APOOL: variants seen among roughly 807,000 people sequenced by gnomAD.
APOOL encodes the protein MICOS complex subunit MIC27.
In APOOL, 12 loss-of-function variants were observed where a neutral mutation model predicts 23.1. The observed-to-expected ratio is 0.52, with a 90% confidence interval of 0.33 to 0.84. The LOEUF is 0.84. Among genes scored for constraint, APOOL ranks in the 40% least tolerant of loss-of-function variants. The probability of loss-of-function intolerance (pLI) is 0.02; values close to 1 mark genes in which losing one functional copy is unlikely to be tolerated. For synonymous variants in APOOL, 77 were observed against 69.9 expected (o/e 1.10, Z -0.51); for missense variants, 212 against 199.6 (o/e 1.06, Z -0.37).
At chrX:85,042,579 C>T (rs1336973307) in intron 1 of APOOL, among the ~76,000 whole-genome samples, 2 of 112,160 alleles carry the variant, frequency 1.8e-5, no homozygotes, top group Non-Finnish European at 3.8e-5. Context: ...GAGGGGAATA[C>T]TTCCAAACTC....
chrX:85,010,705 C>A (rs1481903115), intron 1 of APOOL, among the ~76,000 whole-genome samples: 1 of 111,973 alleles, frequency 8.9e-6, no homozygotes, highest in Non-Finnish European at 1.9e-5. Flanking sequence ...GAGTACTATT[C>A]CATGTTGTAT....
chrX:85,015,494 C>G (rs1180617842), intron 1 of APOOL, among the ~76,000 whole-genome samples: 1 of 109,838 alleles, frequency 9.1e-6, no homozygotes, highest in African/African-American at 3.3e-5. Flanking sequence ...GATTGGACTT[C>G]TTTTTTATTT....
chrX:85,075,365 A>G (rs1223114342), intron 8 of APOOL, among the ~76,000 whole-genome samples: 4 of 111,256 alleles, frequency 3.6e-5, no homozygotes, highest in Middle Eastern at 4.6e-3. Flanking sequence ...TGAGTAGCAG[A>G]GTTCTGTTTA....
intron 8 of APOOL, among the ~76,000 whole-genome samples, chrX:85,085,211 T>C (rs1924247825): frequency 1.8e-5 from 2 of 111,935 alleles, no homozygotes; most frequent in African/African-American, 6.5e-5. Flanking sequence ...TATAATGTAA[T>C]AAGATATCTG....
In APOOL at chrX:85,004,728, C is replaced by T. The variant is rs143095116; in HGVS notation, c.15+801C>T. Among the ~76,000 whole-genome samples, 527 of 111,908 alleles carry T rather than the reference C, an allele frequency of 4.7e-3. 3 individuals are homozygous for T. Among genetic ancestry groups the T allele is most frequent in the African/African-American group, 0.016 (501 of 30,790 alleles). ...TCCTACCTGAACTTGCCACCTCAAG[C>T]CTGGCTCTCATGTAATCTGTTTTCC... On this transcript the variant is annotated intron_variant, in intron 1 of 8. Transcript: ENST00000373173.
At chrX:85,038,539 T>G (rs1770591276) in intron 1 of APOOL, among the ~76,000 whole-genome samples, 1 of 102,201 alleles carries the variant, frequency 9.8e-6, no homozygotes, top group Admixed American at 1.1e-4. Context: ...TTTTTTTTTT[T>G]TTTTTTTTTT....
chrX:85,066,638 T>A (rs753789513), intron 5 of APOOL, among the ~76,000 whole-genome samples: 147 of 111,306 alleles, frequency 1.3e-3, no homozygotes, highest in African/African-American at 4.5e-3. Context: ...GAAGGAGTTA[T>A]GTACCTGTTA....
intron 8 of APOOL, among the ~76,000 whole-genome samples, chrX:85,079,484 C>T (rs755879873): frequency 7.2e-5 from 8 of 111,319 alleles, no homozygotes; most frequent in South Asian, 3.8e-4. Context: ...CTTGTTGATT[C>T]GGTTTGCCAG....
At chrX:85,054,561 T>C (rs907244367) in intron 4 of APOOL, among the ~76,000 whole-genome samples, 163 bp downstream of exon 4, 1 of 111,479 alleles carries the variant, frequency 9.0e-6, no homozygotes. Flanking sequence ...ATTTGTTGAT[T>C]ATTGATTAAT....
At chrX:85,023,284 A>G (rs1004070233) in intron 1 of APOOL, among the ~76,000 whole-genome samples, 9 of 112,121 alleles carry the variant, frequency 8.0e-5, no homozygotes, top group African/African-American at 2.9e-4. Context: ...CTAACAGTGA[A>G]CTATCCAAAA....
chrX:85,008,608 C>T (rs139017918), intron 1 of APOOL, among the ~76,000 whole-genome samples: 3,201 of 102,236 alleles, frequency 0.031, 77 homozygotes, highest in Admixed American at 0.1. Context: ...GATCTGTTGG[C>T]AGACACTTCG....
intron 8 of APOOL, among the ~76,000 whole-genome samples, chrX:85,079,817 G>C (rs1924016958): frequency 9.0e-6 from 1 of 111,434 alleles, no homozygotes. Context: ...GTTTAGTCTT[G>C]GGAGGGTGTA....
intron 5 of APOOL, among the ~76,000 whole-genome samples, chrX:85,062,969 A>G (rs1357846481): frequency 9.0e-6 from 1 of 111,722 alleles, no homozygotes; most frequent in African/African-American, 3.3e-5. Context: ...GGCCATTTTC[A>G]CGATATTGTT....
intron 1 of APOOL, among the ~76,000 whole-genome samples, chrX:85,039,422 G>A (rs1922336264): frequency 9.0e-6 from 1 of 110,718 alleles, no homozygotes; most frequent in African/African-American, 3.3e-5. Context: ...ATGTCTGTTA[G>A]ATCCATATGG....
At chrX:85,050,167 G>A (rs936725086) in intron 2 of APOOL, among the ~76,000 whole-genome samples, 1 of 111,572 alleles carries the variant, frequency 9.0e-6, no homozygotes, top group Non-Finnish European at 1.9e-5. Flanking sequence ...GGGTAGTAAA[G>A]AGTCATTTAA....
intron 8 of APOOL, among the ~76,000 whole-genome samples, chrX:85,079,865 A>T (rs1924018791): frequency 9.0e-6 from 1 of 111,547 alleles, no homozygotes; most frequent in Admixed American, 9.5e-5. Flanking sequence ...TAGATTTTCT[A>T]GTTTATTTGC....
intron 1 of APOOL, among the ~76,000 whole-genome samples, chrX:85,044,254 A>ATTTATG (rs1922496577): frequency 1.9e-5 from 2 of 103,815 alleles, no homozygotes; most frequent in Non-Finnish European, 3.9e-5. Context: ...GCTCATATTT[A>ATTTATG]TGTGTGTGTG....
intron 1 of APOOL, among the ~76,000 whole-genome samples, chrX:85,044,076 T>G (rs905456239): frequency 9.0e-6 from 1 of 111,585 alleles, no homozygotes; most frequent in East Asian, 2.8e-4. Context: ...ATTATGGCTG[T>G]TGAGCACTTG....
At position 85,033,279 on chromosome X, in the gene APOOL, T is replaced by C. The variant is rs775614297; in HGVS notation, c.16-13167T>C. On this transcript the variant is annotated intron_variant, in intron 1 of 8. Transcript: ENST00000373173. ...GCGTTCAGCAAATGTTAATTACCCC[T>C]TTTCCATTGCTATTATATTAGACCA... 3.6e-5 allele frequency among the ~76,000 whole-genome samples: 4 copies of C among 112,176 alleles called. No individual in the cohort carries two copies. The South Asian group carries it at 1.5e-3, about 42-fold the overall frequency.
Sources: gnomAD v4.1 joint callset for allele counts (sites outside exome capture counted in the v4.1 genomes callset) on GRCh38, gnomAD v4.1.1 for gene constraint, MANE v1.5 for transcripts, NCBI Gene and HGNC (gene_info 2026-07-23, HGNC 2026-07-21) for gene names.